The following PYGB variants were observed in gnomAD, a reference collection of about 807,000 sequenced individuals.
The protein encoded by PYGB is glycogen phosphorylase, brain form.
Under a neutral mutation model 94.3 loss-of-function variants are expected in PYGB, and 82 were observed. The observed-to-expected ratio is 0.87, with a 90% CI of 0.73 to 1.04. PYGB has a LOEUF of 1.04. Ranked by LOEUF, PYGB falls within the 50% of genes least tolerant of loss-of-function variation. PYGB has a pLI of 0.00. For missense variants in PYGB, 1,132 were observed against 1,158.2 expected (o/e 0.98, Z 0.33); for synonymous variants, 488 against 479.1 (o/e 1.02, Z -0.24).
chr20:25,262,718 C>A (rs1049216900), intron 2 of PYGB, among the ~76,000 whole-genome samples: 10 of 151,444 alleles, frequency 6.6e-5, no homozygotes, highest in African/African-American at 2.2e-4. Flanking sequence ...ATTCAGGAGA[C>A]CCATCTCACA....
intron 16 of PYGB, among the ~76,000 whole-genome samples, chr20:25,291,977 C>T (rs993706221): frequency 6.6e-6 from 1 of 152,202 alleles, no homozygotes; most frequent in South Asian, 2.1e-4. Flanking sequence ...CTCAGCCGCT[C>T]CAGCCTTCTG....
In PYGB at chr20:25,296,437, G is replaced by A. The variant is rs1464344437; in HGVS notation, c.2447G>A (p.Arg816Gln). ...TGCTCGGGCAAGTTCTCCAGTGACCGGACCATCACGGAGTATGCACGGGAG... is the reference window on the plus strand; with the variant it reads ...TGCTCGGGCAAGTTCTCCAGTGACCAGACCATCACGGAGTATGCACGGGAG... Reference protein sequence around the residue: ...IACSGKFSSDRTITEYAREIW... With the variant: ...IACSGKFSSDQTITEYAREIW... The change falls in exon 20 of 20, where the codon CGG becomes CAG. Residue 816 changes from arginine to glutamine, a missense_variant. Arg to Gln is a conservative substitution (Grantham distance 43). Transcript: ENST00000216962. The A allele has an allele frequency of 1.2e-5, 20 of 1,613,870 alleles. No individual in the cohort carries two copies. Among genetic ancestry groups the A allele is most frequent in the Non-Finnish European group, 1.7e-5 (20 of 1,180,044 alleles).
chr20:25,262,974 T>G (rs2092917023), intron 2 of PYGB, among the ~76,000 whole-genome samples: 1 of 152,268 alleles, frequency 6.6e-6, no homozygotes, highest in East Asian at 1.9e-4. Flanking sequence ...AGCAAGTCCT[T>G]AGAGACCTAC....
At chr20:25,276,821 C>T (rs2088316344) in intron 6 of PYGB, 64 bp downstream of exon 6, 4 of 1,482,380 alleles carry the variant, frequency 2.7e-6, no homozygotes, top group African/African-American at 2.8e-5. Flanking sequence ...ACACCCTCGC[C>T]CACAGCCTTT....
In PYGB at chr20:25,281,061, A is replaced by AT; in HGVS notation, c.1353dup (p.Ala452CysfsTer19). 6.2e-7 allele frequency: 1 copy of AT among 1,614,172 alleles called. No homozygotes were observed. The highest frequency in any genetic ancestry group is 8.5e-7 in the Non-Finnish European group (1 of 1,180,004). On this transcript the variant is annotated frameshift_variant, in exon 11 of 20. Transcript: ENST00000216962. LOFTEE classifies it high-confidence loss of function. ...GCCCACCTGTGTGTGATTGGGTCCCATGCTGTCAATGGTGTGGCGAGGATC... is the reference window on the plus strand; with the variant it reads ...GCCCACCTGTGTGTGATTGGGTCCCATTGCTGTCAATGGTGTGGCGAGGATC...
chr20:25,284,497 C>T (rs1394799059), intron 14 of PYGB, among the ~76,000 whole-genome samples: 1 of 152,248 alleles, frequency 6.6e-6, no homozygotes, highest in East Asian at 1.9e-4. Flanking sequence ...GCAGTGGTGC[C>T]ATCACGGCTC....
At chr20:25,281,380 C>T (rs1405071801) in intron 11 of PYGB, among the ~76,000 whole-genome samples, 2 of 152,232 alleles carry the variant, frequency 1.3e-5, no homozygotes, top group Non-Finnish European at 2.9e-5. Flanking sequence ...TGCTCTCCTG[C>T]GCCCCTGCCT....
At chr20:25,278,905 C>A in intron 8 of PYGB, 152 bp from the exon 9 acceptor site, 1 of 708,464 alleles carries the variant, frequency 1.4e-6, no homozygotes, top group Non-Finnish European at 2.3e-6. Context: ...GTCCTCCCTG[C>A]TCCCTCCACA....
chr20:25,248,934 A>G (rs1278016966), intron 1 of PYGB, among the ~76,000 whole-genome samples: 1 of 152,192 alleles, frequency 6.6e-6, no homozygotes, highest in Non-Finnish European at 1.5e-5. Flanking sequence ...ATCACTGAAG[A>G]TGCCTGCTTC....
intron 2 of PYGB, among the ~76,000 whole-genome samples, chr20:25,260,517 G>A (rs1333981684): frequency 6.6e-6 from 1 of 152,206 alleles, no homozygotes; most frequent in Non-Finnish European, 1.5e-5. Flanking sequence ...TTCCAAGATG[G>A]CTGAATAGGA....
intron 2 of PYGB, among the ~76,000 whole-genome samples, chr20:25,268,695 AG>A (rs2088240567): frequency 7.2e-5 from 11 of 152,358 alleles, no homozygotes; most frequent in Admixed American, 6.5e-4. Context: ...AATGGCTTTA[AG>A]TGTCAATCGT....
At chr20:25,267,630 A>C (rs556010244) in intron 2 of PYGB, among the ~76,000 whole-genome samples, 1 of 152,278 alleles carries the variant, frequency 6.6e-6, no homozygotes, top group South Asian at 2.1e-4. Context: ...TCCCGGGCTC[A>C]AGCCATCCTT....
chr20:25,249,693 G>A (rs538951061), intron 1 of PYGB, among the ~76,000 whole-genome samples: 25 of 152,226 alleles, frequency 1.6e-4, no homozygotes, highest in Admixed American at 6.5e-4. Flanking sequence ...TACCAACTGG[G>A]GCTCTTCATA....
At position 25,294,283 on chromosome 20, in the gene PYGB, A is replaced by G; in HGVS notation, c.2303A>G (p.His768Arg). 2 of 1,365,926 alleles carry G rather than the reference A, an allele frequency of 1.5e-6. No homozygotes were observed. Among genetic ancestry groups the G allele is most frequent in the Non-Finnish European group, 2.0e-6 (2 of 1,023,292 alleles). 84.6% of individuals were successfully genotyped at this position (1,365,926 alleles called of 1,614,324 possible). The change falls in exon 18 of 20, where the codon CAC becomes CGC. Residue 768 changes from histidine (H) to arginine (R), a missense_variant. Transcript: ENST00000216962. ...AAGGACATCGTGAACATGCTGATGC[A>G]CCATGACAGGTGGGACCGACTTCCC... is the stretch of plus-strand genomic sequence containing the variant. ...CFKDIVNMLM[H>R]HDRFKVFADY...
At chr20:25,280,865 T>C in intron 10 of PYGB, 84 bp from the exon 11 acceptor site, 1 of 1,507,636 alleles carries the variant, frequency 6.6e-7, no homozygotes, top group Non-Finnish European at 9.0e-7. Flanking sequence ...TGGGTGGTCA[T>C]GGAGTGTCCC....
rs199885319 is a variant in PYGB at position 25,280,366 on chromosome 20, C to T, written c.1193C>T (p.Pro398Leu). The T allele has an allele frequency of 3.7e-6, 6 of 1,614,182 alleles. No individual in the cohort carries two copies. Among genetic ancestry groups the T allele is most frequent in the Non-Finnish European group, 3.4e-6 (4 of 1,180,004 alleles). ...GTGTCCATGTTTGAGAAGCTGCTGC[C>T]GCGGCACCTGGAGATAATCTATGCC... ...WPVSMFEKLL[P>L]RHLEIIYAIN... Residue 398 changes from proline to leucine, a missense_variant, in exon 10 of 20, where the codon CCG (proline) becomes CTG (leucine). Transcript: ENST00000216962.
intron 14 of PYGB, among the ~76,000 whole-genome samples, chr20:25,286,780 C>T (rs1025249972): frequency 2.0e-5 from 3 of 152,130 alleles, no homozygotes; most frequent in African/African-American, 4.8e-5. Context: ...TTGGTGGCCC[C>T]CAGGACTGGA....
At chr20:25,257,064 G>C (rs996965857) in intron 1 of PYGB, among the ~76,000 whole-genome samples, 6 of 152,186 alleles carry the variant, frequency 3.9e-5, no homozygotes, top group Non-Finnish European at 8.8e-5. Context: ...GCTGGGATGA[G>C]ACCCCAGCCT....
At chr20:25,285,746 A>G (rs1600738617) in intron 14 of PYGB, among the ~76,000 whole-genome samples, 1 of 151,532 alleles carries the variant, frequency 6.6e-6, no homozygotes. Context: ...TCCTTCCCCC[A>G]CTGTCAGAGC....
Sources: gnomAD v4.1 joint callset for allele counts (sites outside exome capture counted in the v4.1 genomes callset) on GRCh38, gnomAD v4.1.1 for gene constraint, MANE v1.5 for transcripts, NCBI Gene and HGNC (gene_info 2026-07-23, HGNC 2026-07-21) for gene names.